NRXN3: variants seen among roughly 807,000 people sequenced by gnomAD.
The protein encoded by NRXN3 is neurexin 3.
NRXN3 carries 32 observed loss-of-function variants against 137.6 expected under a neutral mutation model. The observed-to-expected ratio is 0.23, with a 90% CI of 0.18 to 0.31. The LOEUF is 0.31. Among genes scored for constraint, NRXN3 ranks in the 10% least tolerant of loss-of-function variants. The pLI is 1.00. For synonymous variants in NRXN3, 798 were observed against 784.5 expected (o/e 1.02, Z -0.29); for missense variants, 1,574 against 2,062.5 (o/e 0.76, Z 4.59).
At chr14:78,463,105 T>C (rs2153721168) in intron 4 of NRXN3, among the ~76,000 whole-genome samples, 1 of 152,314 alleles carries the variant, frequency 6.6e-6, no homozygotes, top group East Asian at 1.9e-4. Context: ...TGTATTTGAC[T>C]TTCTGTTTCT....
At chr14:78,609,413 C>G (rs1001097530) in intron 4 of NRXN3, among the ~76,000 whole-genome samples, 1 of 152,104 alleles carries the variant, frequency 6.6e-6, no homozygotes, top group Non-Finnish European at 1.5e-5. Context: ...AACCCAGGTC[C>G]TGGCAAAAAC....
intron 15 of NRXN3, among the ~76,000 whole-genome samples, chr14:79,182,167 G>A (rs994992653): frequency 6.6e-6 from 1 of 151,890 alleles, no homozygotes; most frequent in South Asian, 2.1e-4. Context: ...GTGTGAAGAC[G>A]ATATTCTAAG....
chr14:79,455,782 AT>A lies in NRXN3; in HGVS notation c.3263-11435del, dbSNP rs2096249659. On this transcript the variant is annotated intron_variant, in intron 15 of 20. Coordinates refer to ENST00000335750, the MANE Select transcript of NRXN3 (RefSeq NM_001330195.2). The stretch of plus-strand genomic sequence containing the variant: ...TTTCTGTTTTTTTAGAGGTTTATAT[AT>A]TTTCTTTGACATTTTAAAGAGCAAA... 3.3e-5 allele frequency among the ~76,000 whole-genome samples: 5 copies of A among 151,426 alleles called. No individual in the cohort carries two copies. In the South Asian group the frequency reaches 1.0e-3, roughly 32 times the overall value.
Position 78,398,861 on chromosome 14 carries a change from C to T in NRXN3, c.757+101001C>T, listed in dbSNP as rs142869080. On this transcript the variant is annotated intron_variant, in intron 4 of 20. Transcript: ENST00000335750. ...CATGGCAGAGATGAAAGTCCTGGCT[C>T]CTGGCTTGGCCTTATCTGATACCAC... 5.4e-3 allele frequency among the ~76,000 whole-genome samples: 818 copies of T among 152,242 alleles called. 1 individual carries two copies. Among genetic ancestry groups the T allele is most frequent in the African/African-American group, 0.018 (768 of 41,554 alleles).
chr14:78,490,338 CACAG>C (rs2095644170), intron 4 of NRXN3, among the ~76,000 whole-genome samples: 1 of 152,154 alleles, frequency 6.6e-6, no homozygotes, highest in South Asian at 2.1e-4. Flanking sequence ...TTACCTTATG[CACAG>C]TGGGCATACT....
intron 16 of NRXN3, among the ~76,000 whole-genome samples, chr14:79,632,803 G>C (rs2098368755): frequency 6.6e-6 from 1 of 152,032 alleles, no homozygotes; most frequent in Non-Finnish European, 1.5e-5. Flanking sequence ...AATTTCTCAA[G>C]ACTAAACACA....
In NRXN3 at chr14:79,414,634, A is replaced by G. The variant is rs190798435; in HGVS notation, c.3263-52587A>G. Among the ~76,000 whole-genome samples, 5 of 152,268 alleles carry G rather than the reference A, an allele frequency of 3.3e-5. No homozygotes were observed. In the East Asian group the frequency reaches 7.7e-4, roughly 24 times the overall value. ...ACAACATAATGTTTGATGTATATAT[A>G]CATTGTAAAATGATTACCACAATCA... On this transcript the variant is annotated intron_variant, in intron 15 of 20. Transcript: ENST00000335750.
At chr14:78,776,043 T>G (rs1412603395) in intron 8 of NRXN3, among the ~76,000 whole-genome samples, 2 of 152,216 alleles carry the variant, frequency 1.3e-5, no homozygotes, top group Non-Finnish European at 2.9e-5. Flanking sequence ...ATGTTATATA[T>G]GATCCAAGAG....
At chr14:79,239,974 C>T (rs988387498) in intron 15 of NRXN3, among the ~76,000 whole-genome samples, 1 of 151,918 alleles carries the variant, frequency 6.6e-6, no homozygotes, top group African/African-American at 2.4e-5. Context: ...TTTATAGAGG[C>T]AGAGAATAGA....
intron 20 of NRXN3, among the ~76,000 whole-genome samples, chr14:79,841,447 T>G (rs911623906): frequency 2.0e-5 from 3 of 152,202 alleles, no homozygotes; most frequent in African/African-American, 7.2e-5. Context: ...AATGAGCTTT[T>G]GGGGAAAACA....
At chr14:78,613,094 G>T (rs1030799290) in intron 4 of NRXN3, among the ~76,000 whole-genome samples, 3 of 152,086 alleles carry the variant, frequency 2.0e-5, no homozygotes, top group Non-Finnish European at 2.9e-5. Context: ...TTGACCAAAG[G>T]CCTGCCTTGC....
intron 15 of NRXN3, among the ~76,000 whole-genome samples, chr14:79,085,302 G>T (rs1291276490): frequency 6.6e-6 from 1 of 152,132 alleles, no homozygotes; most frequent in Admixed American, 6.6e-5. Flanking sequence ...GCATTGAAAA[G>T]TTAAGCAGTA....
intron 15 of NRXN3, among the ~76,000 whole-genome samples, chr14:79,183,082 A>G (rs892188755): frequency 2.0e-5 from 3 of 152,216 alleles, no homozygotes; most frequent in African/African-American, 7.2e-5. Flanking sequence ...TTTGTTAAGC[A>G]TATAGGTAAG....
intron 15 of NRXN3, among the ~76,000 whole-genome samples, chr14:79,027,313 T>C (rs1391633456): frequency 6.6e-6 from 1 of 151,960 alleles, no homozygotes; most frequent in African/African-American, 2.4e-5. Context: ...CAGAATGAAA[T>C]AGTCTCAGAT....
chr14:79,192,765 ATTTTT>A (rs961910712), intron 15 of NRXN3, among the ~76,000 whole-genome samples: 15 of 115,300 alleles, frequency 1.3e-4, no homozygotes, highest in African/African-American at 4.0e-4. Context: ...AATTCTCTTA[ATTTTT>A]TTTTTTTTTT....
At position 79,426,431 on chromosome 14, in the gene NRXN3, G is replaced by A. The variant is rs551490725; in HGVS notation, c.3263-40790G>A. Among the ~76,000 whole-genome samples, 39 of 152,294 alleles carry A rather than the reference G, an allele frequency of 2.6e-4. No individual in the cohort carries two copies. In the South Asian group the frequency reaches 7.3e-3, roughly 28 times the overall value. On this transcript the variant is annotated intron_variant, in intron 15 of 20. Coordinates refer to ENST00000335750, the MANE Select transcript of NRXN3 (RefSeq NM_001330195.2). ...GACATTCAATCAGAGAAAGGCAAAA[G>A]GCAGGCTAAGGGCCCAATCATCAGG...
intron 15 of NRXN3, among the ~76,000 whole-genome samples, chr14:79,306,306 C>T (rs767319217): frequency 1.3e-5 from 2 of 152,108 alleles, no homozygotes; most frequent in South Asian, 2.1e-4. Context: ...GAAGTCTCCT[C>T]ATTTAGACAA....
rs552564097 is a variant in NRXN3 at position 79,665,768 on chromosome 14, G to A, written c.3616+1819G>A. On this transcript the variant is annotated intron_variant, in intron 17 of 20. Coordinates refer to ENST00000335750, the MANE Select transcript of NRXN3 (RefSeq NM_001330195.2). ...AAAGCCACAGCTATGTAACCAAACC[G>A]GAGATTCTTGCTGTGCGCCTATCTT... Among the ~76,000 whole-genome samples the A allele has an allele frequency of 1.1e-4, 17 of 152,228 alleles. No homozygotes were observed. In the South Asian group the frequency reaches 2.1e-3, roughly 19 times the overall value.
chr14:79,447,416 A>G (rs1179347530), intron 15 of NRXN3, among the ~76,000 whole-genome samples: 1 of 152,256 alleles, frequency 6.6e-6, no homozygotes, highest in East Asian at 1.9e-4. Flanking sequence ...TGATTTTCTT[A>G]AGAAAAAGGT....
Sources: gnomAD v4.1 joint callset for allele counts (sites outside exome capture counted in the v4.1 genomes callset) on GRCh38, gnomAD v4.1.1 for gene constraint, MANE v1.5 for transcripts, NCBI Gene and HGNC (gene_info 2026-07-23, HGNC 2026-07-21) for gene names.